The following TRIL variants were observed in gnomAD, a reference collection of about 807,000 sequenced individuals.
TRIL encodes TLR4 interactor with leucine rich repeats.
A neutral mutation model predicts 43.0 loss-of-function variants in TRIL; 23 were observed. The observed-to-expected ratio is 0.54, with a 90% CI of 0.39 to 0.76. TRIL has a LOEUF of 0.76. TRIL is among the 30% of genes least tolerant of loss of function. The probability of loss-of-function intolerance (pLI) is 0.00; values close to 1 mark genes in which losing one functional copy is unlikely to be tolerated. For synonymous variants in TRIL, 602 were observed against 556.8 expected, an observed-to-expected ratio of 1.08 and a Z score of -1.14; for missense variants, 1,114 against 1,139.3, an observed-to-expected ratio of 0.98 and a Z score of 0.32.
Position 28,956,477 on chromosome 7 carries a change from C to G in TRIL, c.1570G>C (p.Asp524His). 6.4e-7 allele frequency: 1 copy of G among 1,558,414 alleles called. No individual in the cohort carries two copies. The highest frequency in any genetic ancestry group is 8.6e-7 in the Non-Finnish European group (1 of 1,159,876). ...GGGGTGGGCTCCGCGAGGGCGGGAT[C>G]TGCCCGAGTCGGACGGCCCCGCTGG... ...KPQRGRPTRADPALAEPTPTA... is the reference protein window; with the variant it reads ...KPQRGRPTRAHPALAEPTPTA... The change falls in exon 1 of 1, where the codon GAT becomes CAT. Residue 524 changes from aspartate (D) to histidine (H), a missense_variant. Transcript: ENST00000539664.
rs1252143803 is a variant in TRIL, at chr7:28,956,253, G to C, written c.1794C>G (p.Asp598Glu). Residue 598 changes from aspartate to glutamate, a missense_variant, in exon 1 of 1, where the codon GAC (aspartate) becomes GAG (glutamate). Transcript: ENST00000539664. ...GCACGGCCCAGCGCACCGAGGCGCTGTCTGCGCCCACCGCCTCCACCGTCA... is the reference window on the plus strand; with the variant it reads ...GCACGGCCCAGCGCACCGAGGCGCTCTCTGCGCCCACCGCCTCCACCGTCA... Reference protein sequence around the residue: ...CNLTVEAVGADSASVRWAVRE... With the variant: ...CNLTVEAVGAESASVRWAVRE... 1 of 1,547,664 alleles carries C rather than the reference G, an allele frequency of 6.5e-7. No individual in the cohort carries two copies.
chr7:28,957,184 C>CGATT lies in TRIL; in HGVS notation c.859_862dup (p.Arg288GlnfsTer26), dbSNP rs1783419241. 6.3e-7 allele frequency: 1 copy of CGATT among 1,597,886 alleles called. No homozygotes were observed. The highest frequency in any genetic ancestry group is 2.3e-5 in the East Asian group (1 of 44,444). On this transcript the variant is annotated frameshift_variant, in exon 1 of 1. Coordinates refer to ENST00000539664, the MANE Select transcript of TRIL (RefSeq NM_014817.4). LOFTEE classifies it high-confidence loss of function. ...CAGCGCAGTTGGCAGCTGGCTCAGC[C>CGATT]GATTACCCTCCAGGCGCAGCTCGCG... is the stretch of plus-strand genomic sequence containing the variant.
Position 28,956,129 on chromosome 7 carries a change from G to T in TRIL, c.1918C>A (p.Pro640Thr). 6.4e-7 allele frequency: 1 copy of T among 1,564,796 alleles called. No homozygotes were observed. Reference sequence around the variant, plus strand: ...AGCGTGGCCGAGTCGCTGCTCTCAGGCAGGTAGACGAAGCGGTGGAACTTG... The same window carrying T: ...AGCGTGGCCGAGTCGCTGCTCTCAGTCAGGTAGACGAAGCGGTGGAACTTG... ...QPKFHRFVYLPESSDSATLRE... is the reference protein window; with the variant it reads ...QPKFHRFVYLTESSDSATLRE... Residue 640 changes from proline to threonine, a missense_variant, in exon 1 of 1, where the codon CCT (proline) becomes ACT (threonine). Physicochemically the swap from Pro to Thr is conservative, Grantham distance 38. Transcript: ENST00000539664.
In TRIL at chr7:28,957,200, G is replaced by T. The variant is rs959663448; in HGVS notation, c.847C>A (p.Arg283Ser). ...FWGLEALRELRLEGNRLSQLP... is the reference protein window; with the variant it reads ...FWGLEALRELSLEGNRLSQLP... Reference sequence around the variant, plus strand: ...TGGCTCAGCCGATTACCCTCCAGGCGCAGCTCGCGCAGGGCCTCCAAGCCC... The same window carrying T: ...TGGCTCAGCCGATTACCCTCCAGGCTCAGCTCGCGCAGGGCCTCCAAGCCC... Residue 283 changes from arginine to serine, a missense_variant, in exon 1 of 1, where the codon CGC (arginine) becomes AGC (serine). Arg to Ser is a moderately radical substitution (Grantham distance 110, BLOSUM62 -1). Transcript: ENST00000539664. The T allele has an allele frequency of 2.5e-6, 4 of 1,600,508 alleles. No individual in the cohort carries two copies. The African/African-American group carries it at 5.3e-5, about 21-fold the overall frequency.
In TRIL at chr7:28,956,618, C is replaced by G. The variant is rs200326650; in HGVS notation, c.1429G>C (p.Gly477Arg). Reference sequence around the variant, plus strand: ...CTCAGCCTTAGGGCGCTGCGGTTGCCTACCAGCTCCCTGGCGGCCCCATCC... The same window carrying G: ...CTCAGCCTTAGGGCGCTGCGGTTGCGTACCAGCTCCCTGGCGGCCCCATCC... ...AWDGAARELVGNRSALRLSRR... is the reference protein window; with the variant it reads ...AWDGAARELVRNRSALRLSRR... The change falls in exon 1 of 1, where the codon GGC becomes CGC. Residue 477 changes from glycine to arginine, a missense_variant. Gly to Arg is a moderately radical substitution (Grantham distance 125). Coordinates refer to ENST00000539664, the MANE Select transcript of TRIL (RefSeq NM_014817.4). 634 of 1,567,250 alleles carry G rather than the reference C, an allele frequency of 4.0e-4. No individual in the cohort carries two copies. Among genetic ancestry groups the G allele is most frequent in the Non-Finnish European group, 5.3e-4 (617 of 1,160,396 alleles).
chr7:28,957,682 A>C lies in TRIL; in HGVS notation c.365T>G (p.Leu122Arg). The change falls in exon 1 of 1, where the codon CTC becomes CGC. Residue 122 changes from leucine to arginine, a missense_variant. By Grantham distance (102) the Leu-to-Arg change is moderately radical (BLOSUM62 -2). Coordinates refer to ENST00000539664, the MANE Select transcript of TRIL (RefSeq NM_014817.4). ...LYLGNNLLQALAPGTLAPLRK... is the reference protein window; with the variant it reads ...LYLGNNLLQARAPGTLAPLRK... ...CAGCGGGGCCAGCGTGCCCGGGGCG[A>C]GCGCCTGCAAGAGGTTGTTCCCCAG... 6.2e-7 allele frequency: 1 copy of C among 1,608,512 alleles called. No homozygotes were observed. The highest frequency in any genetic ancestry group is 8.5e-7 in the Non-Finnish European group (1 of 1,177,602).
chr7:28,955,671 G>A lies in TRIL; in HGVS notation c.2376C>T (p.Gly792=), dbSNP rs898641175. 1.4e-5 allele frequency: 21 copies of A among 1,548,370 alleles called. No individual in the cohort carries two copies. The African/African-American group carries it at 1.8e-4, about 13-fold the overall frequency. Residue 792 remains glycine (G), a synonymous_variant, in exon 1 of 1, where the codon GGC becomes GGT. Transcript: ENST00000539664. ...FPCDRFMDSA[G]GGAGGSLRRE... ...GTCTCAGGCTGCCGCCCGCGCCGCC[G>A]CCCGCACTGTCCATGAAGCGGTCGC... is the stretch of plus-strand genomic sequence containing the variant.
In TRIL at chr7:28,958,283, T is replaced by C. The variant is rs1440593578; in HGVS notation, c.-237A>G. ...TCTGCAGACCCCGGGTACTACTTGT[T>C]GCATTTCTGTATAAAACTGTTTCTC... is the stretch of plus-strand genomic sequence containing the variant. On this transcript the variant is annotated 5_prime_UTR_variant, in exon 1 of 1. Coordinates refer to ENST00000539664, the MANE Select transcript of TRIL (RefSeq NM_014817.4). 1 of 517,092 alleles carries C rather than the reference T, an allele frequency of 1.9e-6. No individual in the cohort carries two copies. The highest frequency in any genetic ancestry group is 3.4e-5 in the East Asian group (1 of 29,648). 32.0% of individuals were successfully genotyped at this position (517,092 alleles called of 1,614,324 possible). A position where few individuals can be genotyped will look rare whatever the true frequency, so the allele number is the denominator to read the frequency against.
chr7:28,957,727 G>A lies in TRIL; in HGVS notation c.320C>T (p.Ser107Leu), dbSNP rs370808033. The A allele has an allele frequency of 1.9e-4, 302 of 1,613,214 alleles. 2 individuals carry two copies. In the South Asian group the frequency reaches 2.5e-3, roughly 13 times the overall value. The change falls in exon 1 of 1, where the codon TCG (serine) becomes TTG (leucine). Residue 107 changes from serine to leucine, a missense_variant. Transcript: ENST00000539664. ...SLHPKTFEKL[S>L]RLEELYLGNN... ...CCCCAGGTACAGCTCTTCCAGCCGC[G>A]AGAGCTTCTCGAAGGTCTTGGGGTG...
rs747835776 is a variant in TRIL at position 28,956,539 on chromosome 7, C to A, written c.1508G>T (p.Gly503Val). The change falls in exon 1 of 1, where the codon GGC becomes GTC. Residue 503 changes from glycine to valine, a missense_variant. Physicochemically the swap from Gly to Val is moderately radical, Grantham distance 109. Coordinates refer to ENST00000539664, the MANE Select transcript of TRIL (RefSeq NM_014817.4). Reference protein sequence around the residue: ...QPSPSVAAAAGPAPQSLDLHK... With the variant: ...QPSPSVAAAAVPAPQSLDLHK... ...CAGGTCTAGGGACTGTGGAGCCGGGCCCGCGGCGGCAGCGACGGAGGGGCT... is the reference window on the plus strand; with the variant it reads ...CAGGTCTAGGGACTGTGGAGCCGGGACCGCGGCGGCAGCGACGGAGGGGCT... 2 of 1,555,532 alleles carry A rather than the reference C, an allele frequency of 1.3e-6. No individual in the cohort carries two copies. The highest frequency in any genetic ancestry group is 1.2e-5 in the South Asian group (1 of 84,458).
chr7:28,956,975 C>G lies in TRIL; in HGVS notation c.1072G>C (p.Gly358Arg). 1.3e-5 allele frequency: 21 copies of G among 1,582,752 alleles called. No homozygotes were observed. The highest frequency in any genetic ancestry group is 1.8e-5 in the Admixed American group (1 of 56,288). The change falls in exon 1 of 1, where the codon GGC becomes CGC. Residue 358 changes from glycine (G) to arginine (R), a missense_variant. Transcript: ENST00000539664. Reference protein sequence around the residue: ...SPALYRLDLDGNGWTCDCRLR... With the variant: ...SPALYRLDLDRNGWTCDCRLR... The stretch of plus-strand genomic sequence containing the variant: ...CGGCAGTCGCAGGTCCAGCCGTTGC[C>G]GTCTAGATCCAGCCGATAAAGGGCT...
chr7:28,956,515 A>T lies in TRIL; in HGVS notation c.1532T>A (p.Leu511Gln), dbSNP rs1212160111. Reference sequence around the variant, plus strand: ...ACGGCCCCGCTGGGGCTTCTTGTGCAGGTCTAGGGACTGTGGAGCCGGGCC... The same window carrying T: ...ACGGCCCCGCTGGGGCTTCTTGTGCTGGTCTAGGGACTGTGGAGCCGGGCC... The part of the protein sequence containing the change: ...AAGPAPQSLD[L>Q]HKKPQRGRPT... The change falls in exon 1 of 1, where the codon CTG becomes CAG. Residue 511 changes from leucine to glutamine, a missense_variant. Leu to Gln is a moderately radical substitution (Grantham distance 113). Coordinates refer to ENST00000539664, the MANE Select transcript of TRIL (RefSeq NM_014817.4). The T allele has an allele frequency of 6.4e-7, 1 of 1,563,232 alleles. No individual in the cohort carries two copies. Among genetic ancestry groups the T allele is most frequent in the East Asian group, 2.3e-5 (1 of 42,886 alleles).
In TRIL at chr7:28,955,904, C is replaced by T; in HGVS notation, c.2143G>A (p.Ala715Thr). Residue 715 changes from alanine to threonine, a missense_variant, in exon 1 of 1, where the codon GCG (alanine) becomes ACG (threonine). Coordinates refer to ENST00000539664, the MANE Select transcript of TRIL (RefSeq NM_014817.4). ...VNALLVLLAL[A>T]AWASRWLRRK... The stretch of plus-strand genomic sequence containing the variant: ...CGCAGCCAGCGAGACGCCCAGGCCG[C>T]CAAGGCCAGGAGCACCAGCAGCGCG... 2 of 1,551,890 alleles carry T rather than the reference C, an allele frequency of 1.3e-6. No homozygotes were observed.
Position 28,956,341 on chromosome 7 carries a change from C to A in TRIL, c.1706G>T (p.Gly569Val). Residue 569 changes from glycine (G) to valine (V), a missense_variant, in exon 1 of 1, where the codon GGG (glycine) becomes GTG (valine). Coordinates refer to ENST00000539664, the MANE Select transcript of TRIL (RefSeq NM_014817.4). The stretch of plus-strand genomic sequence containing the variant: ...GGACACCAGCGGCGGCAGCCCGGCC[C>A]CACCGTCGGACTGGGCGGCACGCTC... ...HQERAAQSDG[G>V]AGLPPLVSDP... The A allele has an allele frequency of 6.5e-7, 1 of 1,531,122 alleles. No homozygotes were observed. Among genetic ancestry groups the A allele is most frequent in the Non-Finnish European group, 8.7e-7 (1 of 1,144,790 alleles). The allele number at this position is 1,531,122 out of a possible 1,614,324, so 94.8% of individuals were successfully genotyped here.
In TRIL at chr7:28,957,841, T is replaced by A; in HGVS notation, c.206A>T (p.Asn69Ile). The change falls in exon 1 of 1, where the codon AAC (asparagine) becomes ATC (isoleucine). Residue 69 changes from asparagine to isoleucine, a missense_variant. Physicochemically the swap from Asn to Ile is moderately radical, Grantham distance 149. Transcript: ENST00000539664. ...GAAGGCCGTGATGTTGGTTATGAAG[T>A]TGCCGCCGAGGCTGTAGGTGAGCAC... is the stretch of plus-strand genomic sequence containing the variant. ...HDVLTYSLGG[N>I]FITNITAFDF... 1 of 1,613,772 alleles carries A rather than the reference T, an allele frequency of 6.2e-7. No individual in the cohort carries two copies.
rs189582232 is a variant in TRIL, at chr7:28,953,609, T to C, written c.*2002A>G. The C allele has an allele frequency of 1.3e-4, 20 of 152,302 alleles. No homozygotes were observed. The East Asian group carries it at 3.9e-3, about 29-fold the overall frequency. The allele number at this position is 152,302 out of a possible 1,614,324, so 9.4% of individuals were successfully genotyped here. On this transcript the variant is annotated 3_prime_UTR_variant, in exon 1 of 1. Coordinates refer to ENST00000539664, the MANE Select transcript of TRIL (RefSeq NM_014817.4). ...GCTAGGAGATGCAATAGTGCTATGA[T>C]TGAAAAAAGCCAGGAGCACAAAAGG...
In TRIL at chr7:28,956,171, G is replaced by A. The variant is rs368229653; in HGVS notation, c.1876C>T (p.Arg626Cys). The A allele has an allele frequency of 1.5e-4, 243 of 1,574,908 alleles. No individual in the cohort carries two copies. The highest frequency in any genetic ancestry group is 2.0e-4 in the Non-Finnish European group (231 of 1,161,726). ...GGARFRLLFD[R>C]FGQQPKFHRF... is the part of the protein sequence containing the mutation. ...TGGAACTTGGGCTGCTGGCCAAAGCGGTCAAAGAGCAGGCGGAAGCGCGCG... is the reference window on the plus strand; with the variant it reads ...TGGAACTTGGGCTGCTGGCCAAAGCAGTCAAAGAGCAGGCGGAAGCGCGCG... The change falls in exon 1 of 1, where the codon CGC becomes TGC. Residue 626 changes from arginine (R) to cysteine (C), a missense_variant. Coordinates refer to ENST00000539664, the MANE Select transcript of TRIL (RefSeq NM_014817.4).
In TRIL at chr7:28,956,580, C is replaced by A. The variant is rs945368608; in HGVS notation, c.1467G>T (p.Pro489=). 1 of 1,552,418 alleles carries A rather than the reference C, an allele frequency of 6.4e-7. No individual in the cohort carries two copies. The highest frequency in any genetic ancestry group is 8.6e-7 in the Non-Finnish European group (1 of 1,157,256). ...RSALRLSRRG[P]GLQQPSPSVA... ...CGGAGGGGCTGGGCTGCTGGAGGCC[C>A]GGGCCCCGCCGACTCAGCCTTAGGG... Residue 489 remains proline (P), a synonymous_variant, in exon 1 of 1, where the codon CCG becomes CCT. Coordinates refer to ENST00000539664, the MANE Select transcript of TRIL (RefSeq NM_014817.4).
chr7:28,957,760 C>A lies in TRIL; in HGVS notation c.287G>T (p.Arg96Leu), dbSNP rs368683106. 1 of 1,613,796 alleles carries A rather than the reference C, an allele frequency of 6.2e-7. No homozygotes were observed. The highest frequency in any genetic ancestry group is 8.5e-7 in the Non-Finnish European group (1 of 1,179,866). The change falls in exon 1 of 1, where the codon CGC (arginine) becomes CTC (leucine). Residue 96 changes from arginine (R) to leucine (L), a missense_variant. By Grantham distance (102) the Arg-to-Leu change is moderately radical. Transcript: ENST00000539664. Reference protein sequence around the residue: ...RRLDLQYNQIRSLHPKTFEKL... With the variant: ...RRLDLQYNQILSLHPKTFEKL... ...CTCGAAGGTCTTGGGGTGCAGAGAG[C>A]GGATCTGGTTGTACTGCAGGTCCAG...
Sources: gnomAD v4.1 joint callset for allele counts on GRCh38, gnomAD v4.1.1 for gene constraint, MANE v1.5 for transcripts, NCBI Gene and HGNC (gene_info 2026-07-23, HGNC 2026-07-21) for gene names.